Variants in APC observed in about 807,000 individuals in gnomAD.
APC encodes adenomatous polyposis coli protein.
Under a neutral mutation model 247.0 loss-of-function variants are expected in APC, and 72 were observed. The observed-to-expected ratio is 0.29, with a 90% CI of 0.24 to 0.35. The LOEUF (loss-of-function observed/expected upper bound fraction) is 0.35, where lower values mean the gene tolerates loss of function less well. APC is among the 10% of genes least tolerant of loss of function. APC has a pLI of 1.00. For missense variants in APC, 3,400 were observed against 3,360.7 expected, an observed-to-expected ratio of 1.01 and a Z score of -0.29; for synonymous variants, 1,254 against 1,162.5, an observed-to-expected ratio of 1.08 and a Z score of -1.60.
At chr5:112,825,743 C>T (rs961889380) in intron 11 of APC, among the ~76,000 whole-genome samples, 5 of 152,208 alleles carry the variant, frequency 3.3e-5, no homozygotes, top group Non-Finnish European at 7.4e-5. Context: ...TCAACTTAAA[C>T]ATTAAAAGAT....
At chr5:112,811,531 C>T (rs1248891658) in intron 8 of APC, among the ~76,000 whole-genome samples, 3 of 152,100 alleles carry the variant, frequency 2.0e-5, no homozygotes, top group Non-Finnish European at 4.4e-5. Flanking sequence ...CTTGGTATCT[C>T]CTAATAATAA....
rs529138971 is a variant in APC, at chr5:112,716,327, T to A, written c.165+8445T>A. 1.7e-3 allele frequency among the ~76,000 whole-genome samples: 253 copies of A among 152,334 alleles called. 4 individuals are homozygous for A. Among genetic ancestry groups the A allele is most frequent in the African/African-American group, 6.0e-3 (248 of 41,592 alleles). On this transcript the variant is annotated intron_variant, in intron 1 of 13. Transcript: ENST00000507379. ...GTTTTCAGATTTCTGTTATGATTTA[T>A]ACTTTGACTTTTGGATTATTTGGAA...
rs1253415154 is a variant in APC, at chr5:112,828,776, T to G, written c.1627-80T>G. Reference sequence around the variant, plus strand: ...AATTTCTTTCTTAATAGATTTCTATTCTTACTGCTAGCATTAAAAACAAAA... The same window carrying G: ...AATTTCTTTCTTAATAGATTTCTATGCTTACTGCTAGCATTAAAAACAAAA... On this transcript the variant is annotated intron_variant, in intron 13 of 15. Transcript: ENST00000257430. 4 of 975,594 alleles carry G rather than the reference T, an allele frequency of 4.1e-6. No homozygotes were observed. The Admixed American group carries it at 7.5e-5, about 18-fold the overall frequency. 60.4% of individuals were successfully genotyped at this position (975,594 alleles called of 1,614,324 possible). A position where few individuals can be genotyped will look rare whatever the true frequency, so the allele number is the denominator to read the frequency against.
At chr5:112,831,318 A>G (rs1028911596) in intron 14 of APC, among the ~76,000 whole-genome samples, 15 of 152,188 alleles carry the variant, frequency 9.9e-5, no homozygotes, top group African/African-American at 3.4e-4. Flanking sequence ...CATGTTGGCC[A>G]GGATGGTCTT....
At position 112,839,605 on chromosome 5, in the gene APC, G is replaced by C. The variant is rs1765579898; in HGVS notation, c.4011G>C (p.Leu1337=). 1 of 1,614,150 alleles carries C rather than the reference G, an allele frequency of 6.2e-7. No individual in the cohort carries two copies. Among genetic ancestry groups the C allele is most frequent in the African/African-American group, 1.3e-5 (1 of 75,034 alleles). The change falls in exon 16 of 16, where the codon CTG becomes CTC. Residue 1337 remains leucine (L), a synonymous_variant. Coordinates refer to ENST00000257430, the MANE Select transcript of APC (RefSeq NM_000038.6). The surrounding 1 kb of genome is among the most constrained non-coding windows in gnomAD (Gnocchi z 5.0). ...SQHPRTKSSR[L]QGSSLSSESA... Reference sequence around the variant, plus strand: ...ACCCTAGAACCAAATCCAGCAGACTGCAGGGTTCTAGTTTATCTTCAGAAT... The same window carrying C: ...ACCCTAGAACCAAATCCAGCAGACTCCAGGGTTCTAGTTTATCTTCAGAAT...
chr5:112,743,738 G>T (rs1170498135), intron 1 of APC, among the ~76,000 whole-genome samples: 1 of 152,124 alleles, frequency 6.6e-6, no homozygotes, highest in Non-Finnish European at 1.5e-5. Context: ...TGGGCGCTTT[G>T]TTGAAACTTG....
intron 1 of APC, among the ~76,000 whole-genome samples, chr5:112,716,079 G>A (rs1751154817): frequency 6.6e-6 from 1 of 151,992 alleles, no homozygotes; most frequent in Non-Finnish European, 1.5e-5. Flanking sequence ...TTGCTAGTCT[G>A]TTGTATGTTT....
intron 12 of APC, among the ~76,000 whole-genome samples, chr5:112,827,514 T>G (rs1179951309): frequency 6.7e-6 from 1 of 150,006 alleles, no homozygotes; most frequent in African/African-American, 2.5e-5. Flanking sequence ...CTTGTAGGGA[T>G]CATTTCTGTG....
chr5:112,711,037 A>C (rs1044223865), intron 1 of APC, among the ~76,000 whole-genome samples: 16 of 152,198 alleles, frequency 1.1e-4, no homozygotes, highest in African/African-American at 3.9e-4. Context: ...TTCCTCTGTC[A>C]TCCTTGGTTT....
chr5:112,719,968 A>G (rs1333959028), intron 1 of APC, among the ~76,000 whole-genome samples: 1 of 152,228 alleles, frequency 6.6e-6, no homozygotes, highest in Non-Finnish European at 1.5e-5. Context: ...TCTTACCCAC[A>G]TCTATTTAAA....
At chr5:112,763,384 A>G (rs984918887) in intron 2 of APC, among the ~76,000 whole-genome samples, 1 of 150,810 alleles carries the variant, frequency 6.6e-6, no homozygotes, top group Admixed American at 6.6e-5. Context: ...TGTGTAATTT[A>G]TTGTCATCTT....
At chr5:112,795,000 A>G (rs1760046507) in intron 7 of APC, among the ~76,000 whole-genome samples, 1 of 152,148 alleles carries the variant, frequency 6.6e-6, no homozygotes, top group Non-Finnish European at 1.5e-5. Flanking sequence ...GAATCTAGGC[A>G]TGTCACTCTT....
At chr5:112,818,418 A>T (rs543074475) in intron 9 of APC, among the ~76,000 whole-genome samples, 4 of 150,852 alleles carry the variant, frequency 2.7e-5, no homozygotes, top group African/African-American at 9.8e-5. Context: ...TTTTATGACA[A>T]AATGTTTTTA....
intron 2 of APC, among the ~76,000 whole-genome samples, chr5:112,761,172 C>T (rs1163349960): frequency 1.3e-5 from 2 of 152,118 alleles, no homozygotes; most frequent in Non-Finnish European, 2.9e-5. Flanking sequence ...ATGGAAAAGG[C>T]AGACTCTCTA....
chr5:112,737,505 A>G (rs939544368), upstream of APC, among the ~76,000 whole-genome samples: 2 of 152,250 alleles, frequency 1.3e-5, no homozygotes, highest in South Asian at 2.1e-4. Flanking sequence ...CTGTGCTGCA[A>G]AAATCATAGC....
Position 112,839,896 on chromosome 5 carries a change from C to G in APC, c.4302C>G (p.Ser1434Arg), listed in dbSNP as rs2149911203. The change falls in exon 16 of 16, where the codon AGC (serine) becomes AGG (arginine). Residue 1434 changes from serine to arginine, a missense_variant. Around this residue, in one of 9 missense-constraint regions of APC, gnomAD observed 1,788 missense variants for 1,649.5 expected, o/e 1.08. Transcript: ENST00000257430. This position sits in a 1 kb window ranked among gnomAD's most constrained non-coding sequence, Gnocchi z 5.0. ...PDSPGQTMPPSRSKTPPPPPQ... is the reference protein window; with the variant it reads ...PDSPGQTMPPRRSKTPPPPPQ... ...GCCCTGGACAAACCATGCCACCAAG[C>G]AGAAGTAAAACACCTCCACCACCTC... 1 of 1,614,026 alleles carries G rather than the reference C, an allele frequency of 6.2e-7. No homozygotes were observed. The highest frequency in any genetic ancestry group is 8.5e-7 in the Non-Finnish European group (1 of 1,179,996).
At position 112,794,552 on chromosome 5, in the gene APC, GC is replaced by G. The variant is rs201367044; in HGVS notation, c.729+2025del. The stretch of plus-strand genomic sequence containing the variant: ...ACAAGACTGTCCACTTCAAACGCCA[GC>G]CACAAGTTTTGGGTGTCCCTAAGCC... On this transcript the variant is annotated intron_variant, in intron 7 of 15. Coordinates refer to ENST00000257430, the MANE Select transcript of APC (RefSeq NM_000038.6). Among the ~76,000 whole-genome samples the G allele has an allele frequency of 4.3e-3, 661 of 152,226 alleles. 4 individuals carry two copies. The highest frequency in any genetic ancestry group is 0.015 in the African/African-American group (621 of 41,526).
At position 112,827,157 on chromosome 5, in the gene APC, T is replaced by C. The variant is rs2229992; in HGVS notation, c.1458T>C (p.Tyr486=). ...TATTGCAAGTGGACTGTGAAATGTA[T>C]GGGCTTACTAATGACCACTACAGTA... The part of the protein sequence containing the change: ...AELLQVDCEM[Y]GLTNDHYSIT... The change falls in exon 12 of 16, where the codon TAT becomes TAC. Residue 486 remains tyrosine, a synonymous_variant. Transcript: ENST00000257430. 0.58 allele frequency: 930,477 copies of C among 1,612,952 alleles called. 275,599 individuals are homozygous for C. Among genetic ancestry groups the C allele is most frequent in the East Asian group, 0.71 (31,718 of 44,814 alleles).
intron 3 of APC, 71 bp from the exon 4 acceptor site, chr5:112,767,118 A>G: frequency 8.0e-7 from 1 of 1,252,216 alleles, no homozygotes; most frequent in Admixed American, 1.9e-5. Flanking sequence ...CTTTAAAATA[A>G]TATAACATTA....
Sources: gnomAD v4.1 joint callset for allele counts (sites outside exome capture counted in the v4.1 genomes callset) on GRCh38, gnomAD v4.1.1 for gene constraint, gnomAD v4.1.1 regional missense constraint, Gnocchi (gnomAD v3.1) non-coding constraint, MANE v1.5 for transcripts, NCBI Gene and HGNC (gene_info 2026-07-23, HGNC 2026-07-21) for gene names.